ZNF506: variants seen among roughly 807,000 people sequenced by gnomAD.
ZNF506 encodes the protein zinc finger protein 506.
Under a neutral mutation model 11.6 loss-of-function variants are expected in ZNF506, and 10 were observed. The ratio of observed to expected loss-of-function variants is 0.86; its 90% CI spans 0.53 to 1.46. The LOEUF (loss-of-function observed/expected upper bound fraction) is 1.46. Among genes scored for constraint, ZNF506 ranks in the 40% most tolerant of loss-of-function variants. The probability of loss-of-function intolerance (pLI) is 0.00; values close to 1 mark genes in which losing one functional copy is unlikely to be tolerated. For synonymous variants in ZNF506, 156 were observed against 173.3 expected, an observed-to-expected ratio of 0.90 and a Z score of 0.78; for missense variants, 425 against 521.2, an observed-to-expected ratio of 0.82 and a Z score of 1.80.
intron 1 of ZNF506, among the ~76,000 whole-genome samples, chr19:19,814,547 G>A (rs2062913534): frequency 6.6e-6 from 1 of 152,066 alleles, no homozygotes; most frequent in Admixed American, 6.6e-5. Context: ...AGTTGAGGGT[G>A]GAGGATGGAA....
intron 2 of ZNF506, 54 bp from the exon 3 acceptor site, chr19:19,806,180 G>C (rs1235237482): frequency 2.3e-6 from 3 of 1,331,790 alleles, no homozygotes; most frequent in Non-Finnish European, 3.1e-6. Context: ...CCAATTACAA[G>C]CTAGTACTGT....
intron 3 of ZNF506, chr19:19,798,654 C>CAAAAAAAAAAAA (rs1169444252): frequency 2.5e-5 from 1 of 39,420 alleles, no homozygotes; most frequent in Non-Finnish European, 4.6e-5. Context: ...GACTCCGTCT[C>CAAAAAAAAAAAA]AAAAAAAAAA....
Position 19,821,716 on chromosome 19 carries a change from C to T in ZNF506, c.-113G>A. The T allele has an allele frequency of 7.3e-7, 1 of 1,374,344 alleles. No homozygotes were observed. Among genetic ancestry groups the T allele is most frequent in the South Asian group, 1.2e-5 (1 of 85,998 alleles). The allele number at this position is 1,374,344 out of a possible 1,614,324, so 85.1% of individuals were successfully genotyped here. A position where few individuals can be genotyped will look rare whatever the true frequency, so the allele number is the denominator to read the frequency against. On this transcript the variant is annotated 5_prime_UTR_variant, in exon 1 of 4. Coordinates refer to ENST00000540806, the MANE Select transcript of ZNF506 (RefSeq NM_001099269.3). ...AGCTGACGGCACAGAGCAGTGAAGA[C>T]GATAGCTGGATCTCTGGCGTCAGCG...
At chr19:19,807,847 T>A (rs539805389) in intron 1 of ZNF506, among the ~76,000 whole-genome samples, 2 of 152,146 alleles carry the variant, frequency 1.3e-5, no homozygotes, top group African/African-American at 4.8e-5. Flanking sequence ...GTAATGCCAA[T>A]GTTTTTGGCC....
At chr19:19,798,122 ATTAG>A (rs2062758184) in intron 3 of ZNF506, 1 of 152,206 alleles carries the variant, frequency 6.6e-6, no homozygotes, top group Admixed American at 6.5e-5. Flanking sequence ...ACTAATGTTA[ATTAG>A]TTATGTTAAT....
intron 1 of ZNF506, among the ~76,000 whole-genome samples, chr19:19,811,705 G>C (rs970704369): frequency 6.6e-6 from 1 of 152,086 alleles, no homozygotes; most frequent in Non-Finnish European, 1.5e-5. Context: ...AGGAGGCTGA[G>C]GCAGTAGGCT....
chr19:19,798,911 C>T (rs6511050), intron 3 of ZNF506: 70,962 of 151,740 alleles, frequency 0.47, 17,961 homozygotes, highest in East Asian at 0.7. Flanking sequence ...AAAATCAAGA[C>T]TCAACTTGCC....
At chr19:19,800,970 G>A (rs1394976600) in intron 3 of ZNF506, among the ~76,000 whole-genome samples, 1 of 151,700 alleles carries the variant, frequency 6.6e-6, no homozygotes, top group Non-Finnish European at 1.5e-5. Context: ...AGACCAGCCT[G>A]ACCAACATGG....
At chr19:19,802,348 A>G (rs1301463459) in intron 3 of ZNF506, among the ~76,000 whole-genome samples, 1 of 152,228 alleles carries the variant, frequency 6.6e-6, no homozygotes, top group East Asian at 1.9e-4. Context: ...AATTATACAC[A>G]GAAGATTCTG....
chr19:19,800,958 T>C (rs1353149386), intron 3 of ZNF506, among the ~76,000 whole-genome samples: 9 of 149,764 alleles, frequency 6.0e-5, no homozygotes, highest in East Asian at 2.1e-4. Context: ...GTCAGGAGTT[T>C]GAGACCAGCC....
chr19:19,800,461 G>T (rs1158111461), intron 3 of ZNF506, among the ~76,000 whole-genome samples: 1 of 147,366 alleles, frequency 6.8e-6, no homozygotes, highest in Non-Finnish European at 1.5e-5. Context: ...CTGTCTCCGA[G>T]GCCGGAGTAC....
intron 1 of ZNF506, among the ~76,000 whole-genome samples, chr19:19,812,051 C>T (rs1434413791): frequency 6.6e-6 from 1 of 151,458 alleles, no homozygotes; most frequent in Non-Finnish European, 1.5e-5. Flanking sequence ...ACTAGTTTAT[C>T]TATTTGGGTC....
rs1948899931 is a variant in ZNF506, at chr19:19,795,219, T to A, written c.668A>T (p.His223Leu). The A allele has an allele frequency of 6.2e-7, 1 of 1,613,828 alleles. No homozygotes were observed. The highest frequency in any genetic ancestry group is 1.3e-5 in the African/African-American group (1 of 74,938). The stretch of plus-strand genomic sequence containing the variant: ...ACATTTGTAGGGTTTCTCTCCAGTA[T>A]GAATTTTCTTATGTGTAGTAAGGTG... ...SSHLTTHKKI[H>L]TGEKPYKCEE... Residue 223 changes from histidine (H) to leucine (L), a missense_variant, in exon 4 of 4, where the codon CAT becomes CTT. Physicochemically the swap from His to Leu is moderately conservative, Grantham distance 99. Transcript: ENST00000540806.
At position 19,802,034 on chromosome 19, in the gene ZNF506, A is replaced by G. The variant is rs1006079025; in HGVS notation, c.226+3997T>C. On this transcript the variant is annotated intron_variant, in intron 3 of 3. Transcript: ENST00000540806. ...AGCCTGACCAACATGGTGAAACCCC[A>G]TCTCTACTAAAAACAGAAAAATTAG... is the stretch of plus-strand genomic sequence containing the variant. Among the ~76,000 whole-genome samples, 14 of 151,594 alleles carry G rather than the reference A, an allele frequency of 9.2e-5. 1 individual carries two copies. The highest frequency in any genetic ancestry group is 7.2e-4 in the Admixed American group (11 of 15,216).
At chr19:19,816,171 ATTTCTTTTCT>A (rs537306271) in intron 1 of ZNF506, among the ~76,000 whole-genome samples, 3 of 150,132 alleles carry the variant, frequency 2.0e-5, no homozygotes, top group African/African-American at 7.4e-5. Context: ...ATAATGAAAT[ATTTCTTTTCT>A]TTTCTTTTCT....
At position 19,808,268 on chromosome 19, in the gene ZNF506, C is replaced by T. The variant is rs529210508; in HGVS notation, c.4-1200G>A. ...CCTCCCGAGTAGCTGGGACTACAGGCACCCGCCACCAGGCCCGGCTAATTT... is the reference window on the plus strand; with the variant it reads ...CCTCCCGAGTAGCTGGGACTACAGGTACCCGCCACCAGGCCCGGCTAATTT... On this transcript the variant is annotated intron_variant, in intron 1 of 3. Transcript: ENST00000540806. 5.3e-5 allele frequency among the ~76,000 whole-genome samples: 8 copies of T among 151,186 alleles called. No homozygotes were observed. In the South Asian group the frequency reaches 1.5e-3, roughly 28 times the overall value.
At chr19:19,820,852 A>G (rs2062962792) in intron 1 of ZNF506, among the ~76,000 whole-genome samples, 3 of 152,136 alleles carry the variant, frequency 2.0e-5, no homozygotes, top group African/African-American at 7.2e-5. Context: ...CAATTCTTGA[A>G]TCACACTTTC....
intron 1 of ZNF506, among the ~76,000 whole-genome samples, chr19:19,811,252 C>T (rs2062880459): frequency 6.6e-6 from 1 of 152,138 alleles, no homozygotes; most frequent in Non-Finnish European, 1.5e-5. Context: ...CTCTGCCTCC[C>T]AGATTCAAGT....
chr19:19,793,916 T>TA lies in ZNF506; in HGVS notation c.*635dup, dbSNP rs1280666212. 2 of 152,334 alleles carry TA rather than the reference T, an allele frequency of 1.3e-5. No individual in the cohort carries two copies. The highest frequency in any genetic ancestry group is 4.8e-5 in the African/African-American group (2 of 41,468). The allele number at this position is 152,334 out of a possible 1,614,324, so 9.4% of individuals were successfully genotyped here. A position where few individuals can be genotyped will look rare whatever the true frequency, so the allele number is the denominator to read the frequency against. ...GTTTCACATTAGTATAATTTATTTT[T>TA]ATGTATACAAAAGTTGGAGGTGGTG... On this transcript the variant is annotated 3_prime_UTR_variant, in exon 4 of 4. Coordinates refer to ENST00000540806, the MANE Select transcript of ZNF506 (RefSeq NM_001099269.3).
Sources: allele counts gnomAD v4.1 joint callset (sites outside exome capture counted in the v4.1 genomes callset), GRCh38; gene constraint gnomAD v4.1.1; transcripts MANE v1.5; gene names NCBI Gene and HGNC (gene_info 2026-07-23, HGNC 2026-07-21).